The following MAPK10 variants were observed in gnomAD, a reference collection of about 807,000 sequenced individuals.
The protein encoded by MAPK10 is mitogen-activated protein kinase 10, also known as JNK3 alpha protein kinase.
A neutral mutation model predicts 59.3 loss-of-function variants in MAPK10; 25 were observed. The observed-to-expected ratio is 0.42, with a 90% CI of 0.31 to 0.59. The LOEUF is 0.59. Ranked by LOEUF, MAPK10 falls within the 20% of genes least tolerant of loss-of-function variation. MAPK10 has a pLI of 0.15. For synonymous variants in MAPK10, 190 were observed against 200.5 expected, an observed-to-expected ratio of 0.95 and a Z score of 0.44; for missense variants, 351 against 568.9, an observed-to-expected ratio of 0.62 and a Z score of 3.90.
At chr4:86,075,926 T>A (rs1332743130) in intron 9 of MAPK10, among the ~76,000 whole-genome samples, 3 of 152,084 alleles carry the variant, frequency 2.0e-5, no homozygotes, top group Non-Finnish European at 2.9e-5. Context: ...CTCCACCCAG[T>A]TCGAGTTTCC....
At chr4:86,145,776 CCTCT>C (rs558624109) in intron 4 of MAPK10, among the ~76,000 whole-genome samples, 13 of 152,046 alleles carry the variant, frequency 8.6e-5, no homozygotes, top group Non-Finnish European at 1.3e-4. Flanking sequence ...TGTCTCAGAG[CCTCT>C]CTCTCTTTCT....
intron 2 of MAPK10, among the ~76,000 whole-genome samples, chr4:86,318,872 G>T (rs529630381): frequency 6.6e-6 from 1 of 152,074 alleles, no homozygotes; most frequent in African/African-American, 2.4e-5. Context: ...TGAACAGGTT[G>T]CATAATCTCT....
intron 4 of MAPK10, among the ~76,000 whole-genome samples, chr4:86,141,772 T>C (rs937633004): frequency 6.6e-6 from 1 of 152,208 alleles, no homozygotes; most frequent in Non-Finnish European, 1.5e-5. Flanking sequence ...ATTACTAATA[T>C]GTATGACAGT....
At chr4:86,260,124 C>T (rs575188469) in intron 2 of MAPK10, among the ~76,000 whole-genome samples, 2 of 152,026 alleles carry the variant, frequency 1.3e-5, no homozygotes, top group Non-Finnish European at 2.9e-5. Context: ...TATCATTTTC[C>T]CCAGTTTCCA....
At chr4:86,333,829 A>G (rs925610775) in intron 2 of MAPK10, among the ~76,000 whole-genome samples, 8 of 152,206 alleles carry the variant, frequency 5.3e-5, no homozygotes, top group African/African-American at 1.9e-4. Context: ...TTGATCTAAT[A>G]TATGTAAAAA....
In MAPK10 at chr4:86,029,268, A is replaced by C; in HGVS notation, c.1181T>G (p.Ile394Ser). 1.2e-6 allele frequency: 2 copies of C among 1,603,130 alleles called. No homozygotes were observed. Among genetic ancestry groups the C allele is most frequent in the Non-Finnish European group, 1.7e-6 (2 of 1,170,628 alleles). Residue 394 changes from isoleucine (I) to serine (S), a missense_variant, in exon 13 of 14, where the codon ATC becomes AGC. Transcript: ENST00000641462. Reference protein sequence around the residue: ...EHTIEEWKELIYKEVMNSEEK... With the variant: ...EHTIEEWKELSYKEVMNSEEK... Reference sequence around the variant, plus strand: ...TTCTGAATTCATTACTTCCTTGTAGATAAGTTCTGTAAGAAACAGCTGTGT... The same window carrying C: ...TTCTGAATTCATTACTTCCTTGTAGCTAAGTTCTGTAAGAAACAGCTGTGT...
chr4:86,048,906 CTG>C (rs1354506499), intron 11 of MAPK10, among the ~76,000 whole-genome samples: 1 of 151,880 alleles, frequency 6.6e-6, no homozygotes, highest in Non-Finnish European at 1.5e-5. Flanking sequence ...CCACTAATCT[CTG>C]TGAAAAAGTT....
At chr4:86,156,280 T>C (rs1041173785) in intron 4 of MAPK10, among the ~76,000 whole-genome samples, 1 of 152,110 alleles carries the variant, frequency 6.6e-6, no homozygotes, top group Non-Finnish European at 1.5e-5. Context: ...AAGTGGAATT[T>C]TTTTAAAGGT....
chr4:86,516,197 T>A (rs1225005413), intron 1 of MAPK10, among the ~76,000 whole-genome samples: 6 of 152,164 alleles, frequency 3.9e-5, no homozygotes, highest in Non-Finnish European at 8.8e-5. Flanking sequence ...GCTGCAAGTA[T>A]TTGGCTTTAT....
intron 1 of MAPK10, among the ~76,000 whole-genome samples, chr4:86,501,168 A>C (rs1755296961): frequency 6.6e-6 from 1 of 150,490 alleles, no homozygotes; most frequent in African/African-American, 2.4e-5. Flanking sequence ...TTCATTTGAA[A>C]TTAGCAATAA....
intron 9 of MAPK10, among the ~76,000 whole-genome samples, chr4:86,094,829 A>C (rs1159083546): frequency 1.3e-5 from 2 of 151,594 alleles, no homozygotes; most frequent in Non-Finnish European, 3.0e-5. Context: ...GGACTACATA[A>C]AAAAAAATAA....
intron 1 of MAPK10, among the ~76,000 whole-genome samples, chr4:86,413,546 A>G (rs1364546673): frequency 6.6e-6 from 1 of 152,050 alleles, no homozygotes; most frequent in East Asian, 1.9e-4. Context: ...GTCCTTGCTG[A>G]GCTGTGGTGG....
intron 4 of MAPK10, among the ~76,000 whole-genome samples, chr4:86,155,597 G>A (rs187941465): frequency 1.3e-5 from 2 of 151,976 alleles, no homozygotes; most frequent in East Asian, 1.9e-4. Context: ...ACACATATAT[G>A]CCTATGATAA....
intron 1 of MAPK10, chr4:86,392,404 T>G (rs1387416195): frequency 6.7e-6 from 1 of 149,488 alleles, no homozygotes; most frequent in Non-Finnish European, 1.5e-5. Context: ...ATCACACCAT[T>G]GCACTCTAGC....
intron 2 of MAPK10, among the ~76,000 whole-genome samples, chr4:86,258,406 A>G (rs994152865): frequency 2.6e-5 from 4 of 151,536 alleles, no homozygotes; most frequent in African/African-American, 9.7e-5. Flanking sequence ...CCTCCTGTCA[A>G]CTCCTGGGTT....
At chr4:86,561,610 C>CTA (rs1760687322) in intron 1 of MAPK10, among the ~76,000 whole-genome samples, 1 of 151,988 alleles carries the variant, frequency 6.6e-6, no homozygotes, top group African/African-American at 2.4e-5. Context: ...CTGGCTCTCT[C>CTA]TATATATATG....
intron 4 of MAPK10, among the ~76,000 whole-genome samples, chr4:86,156,385 C>T (rs1006008411): frequency 1.4e-4 from 21 of 151,972 alleles, no homozygotes; most frequent in African/African-American, 5.1e-4. Context: ...GAATTGTATT[C>T]GTCTTACAGT....
intron 4 of MAPK10, among the ~76,000 whole-genome samples, chr4:86,116,248 GCCAA>G: frequency 6.6e-6 from 1 of 152,194 alleles, no homozygotes; most frequent in East Asian, 1.9e-4. Flanking sequence ...GATCCTGTCA[GCCAA>G]CCAGATGGAC....
At chr4:86,346,432 A>C (rs1302840215) in intron 2 of MAPK10, among the ~76,000 whole-genome samples, 3 of 152,210 alleles carry the variant, frequency 2.0e-5, no homozygotes, top group Non-Finnish European at 4.4e-5. Flanking sequence ...TGTTTATAAC[A>C]AGAGAAAAAT....
Sources: allele counts gnomAD v4.1 joint callset (sites outside exome capture counted in the v4.1 genomes callset), GRCh38; gene constraint gnomAD v4.1.1; transcripts MANE v1.5; gene names NCBI Gene and HGNC (gene_info 2026-07-23, HGNC 2026-07-21).